SENP7: variants seen among roughly 807,000 people sequenced by gnomAD.
SENP7 encodes the protein SUMO specific peptidase 7, also known as sentrin-specific protease 7.
In SENP7, 64 loss-of-function variants were observed where a neutral mutation model predicts 141.2. That is an observed-to-expected ratio of 0.45 (90% CI 0.37 to 0.56). The LOEUF (loss-of-function observed/expected upper bound fraction) is 0.56, where lower values mean the gene tolerates loss of function less well. Among genes scored for constraint, SENP7 ranks in the 20% least tolerant of loss-of-function variants. SENP7 has a pLI of 0.00. For missense variants in SENP7, 1,025 were observed against 1,212.2 expected, an observed-to-expected ratio of 0.85 and a Z score of 2.29; for synonymous variants, 382 against 426.4, an observed-to-expected ratio of 0.90 and a Z score of 1.28.
At chr3:101,380,505 C>G (rs1346388713) in intron 6 of SENP7, among the ~76,000 whole-genome samples, 1 of 145,732 alleles carries the variant, frequency 6.9e-6, no homozygotes, top group Non-Finnish European at 1.5e-5. Flanking sequence ...GGGTGGGGCA[C>G]AGTGGTGCAC....
intron 4 of SENP7, among the ~76,000 whole-genome samples, chr3:101,433,733 T>C (rs1316924354): frequency 2.0e-5 from 3 of 152,142 alleles, no homozygotes; most frequent in Admixed American, 2.0e-4. Flanking sequence ...ATTTAAAATA[T>C]ATAGTCACCC....
intron 3 of SENP7, among the ~76,000 whole-genome samples, chr3:101,473,528 GTCT>G (rs777722966): frequency 1.3e-4 from 20 of 152,270 alleles, no homozygotes; most frequent in Non-Finnish European, 2.6e-4. Flanking sequence ...CTGCATGTAC[GTCT>G]TCTTTGGAAA....
chr3:101,353,996 GAACT>G (rs1263392751), intron 11 of SENP7, among the ~76,000 whole-genome samples: 1 of 151,858 alleles, frequency 6.6e-6, no homozygotes, highest in Non-Finnish European at 1.5e-5. Context: ...AGTGCATCCT[GAACT>G]GTCTGAAAAA....
At chr3:101,378,580 G>A (rs1195103277) in intron 6 of SENP7, among the ~76,000 whole-genome samples, 2 of 152,082 alleles carry the variant, frequency 1.3e-5, no homozygotes, top group Non-Finnish European at 2.9e-5. Flanking sequence ...AATAGGTGTA[G>A]CATAGGCATA....
Position 101,325,988 on chromosome 3 carries a change from G to A in SENP7, c.3108C>T (p.Leu1036=). ...GTTGCTGTAAATGAAGTTTCAAGAT[G>A]AGCTCTCGAATATCTTCCCGTTTGG... The part of the protein sequence containing the change: ...IKTKREDIRE[L]ILKLHLQQQK... The change falls in exon 24 of 24, where the codon CTC becomes CTT. Residue 1036 remains leucine (L), a synonymous_variant. Coordinates refer to ENST00000394095, the MANE Select transcript of SENP7 (RefSeq NM_020654.5). The A allele has an allele frequency of 6.2e-7, 1 of 1,610,716 alleles. No individual in the cohort carries two copies. Among genetic ancestry groups the A allele is most frequent in the Non-Finnish European group, 8.5e-7 (1 of 1,178,248 alleles).
intron 5 of SENP7, among the ~76,000 whole-genome samples, chr3:101,413,714 G>C (rs1339581774): frequency 1.3e-5 from 2 of 148,308 alleles, no homozygotes; most frequent in African/African-American, 4.9e-5. Flanking sequence ...ATCAAGGAAG[G>C]CTTCCTTAAA....
chr3:101,404,693 C>T (rs143324115), intron 5 of SENP7, among the ~76,000 whole-genome samples: 46 of 152,220 alleles, frequency 3.0e-4, no homozygotes, highest in African/African-American at 1.0e-3. Context: ...TGTCTAATTT[C>T]CAGAGTTTAC....
At chr3:101,351,721 T>C (rs1435377239) in intron 11 of SENP7, 70 bp from the exon 12 acceptor site, 1 of 1,159,700 alleles carries the variant, frequency 8.6e-7, no homozygotes, top group Non-Finnish European at 1.1e-6. Flanking sequence ...ATTTTTTTTT[T>C]CAAATCACAA....
intron 4 of SENP7, among the ~76,000 whole-genome samples, chr3:101,449,422 T>C (rs1052141562): frequency 1.4e-4 from 22 of 152,074 alleles, no homozygotes; most frequent in Admixed American, 2.0e-4. Context: ...AATTGTAAGA[T>C]TCACCAAAGT....
chr3:101,367,664 G>C (rs1260017883), intron 8 of SENP7, among the ~76,000 whole-genome samples, 166 bp downstream of exon 8: 1 of 152,072 alleles, frequency 6.6e-6, no homozygotes, highest in African/African-American at 2.4e-5. Flanking sequence ...ACCAAGAAAA[G>C]TTACATTTAG....
At chr3:101,504,899 G>C (rs1248770861) in intron 1 of SENP7, among the ~76,000 whole-genome samples, 2 of 151,922 alleles carry the variant, frequency 1.3e-5, no homozygotes, top group African/African-American at 4.8e-5. Context: ...ACCACCTGTG[G>C]TCTCAGCTGC....
intron 6 of SENP7, among the ~76,000 whole-genome samples, chr3:101,383,910 C>T (rs1397685939): frequency 6.6e-6 from 1 of 152,220 alleles, no homozygotes; most frequent in East Asian, 1.9e-4. Flanking sequence ...GGGGCCCAGG[C>T]TCCCAGTTCC....
At chr3:101,447,584 T>C (rs1477865120) in intron 4 of SENP7, among the ~76,000 whole-genome samples, 1 of 151,406 alleles carries the variant, frequency 6.6e-6, no homozygotes, top group Non-Finnish European at 1.5e-5. Flanking sequence ...TTGAAAAAAA[T>C]TGTAAAGGAC....
At chr3:101,342,350 T>C (rs958225656) in intron 14 of SENP7, among the ~76,000 whole-genome samples, 1 of 152,174 alleles carries the variant, frequency 6.6e-6, no homozygotes, top group African/African-American at 2.4e-5. Context: ...CTTTTCTTTC[T>C]AGAACTATTT....
intron 4 of SENP7, among the ~76,000 whole-genome samples, chr3:101,436,017 C>T (rs148610482): frequency 3.3e-5 from 5 of 152,122 alleles, no homozygotes; most frequent in Non-Finnish European, 2.9e-5. Context: ...TACCTGACTT[C>T]ATATTATACT....
intron 11 of SENP7, among the ~76,000 whole-genome samples, chr3:101,354,016 T>C (rs1477390938): frequency 2.0e-5 from 3 of 152,010 alleles, no homozygotes; most frequent in Non-Finnish European, 2.9e-5. Flanking sequence ...AAAAAGAATA[T>C]ACCTAAAAAC....
intron 10 of SENP7, among the ~76,000 whole-genome samples, chr3:101,362,936 T>C (rs954446940): frequency 2.0e-5 from 3 of 152,174 alleles, no homozygotes; most frequent in Non-Finnish European, 2.9e-5. Context: ...TTCAGATGAC[T>C]TTTTCAACTT....
intron 12 of SENP7, among the ~76,000 whole-genome samples, chr3:101,350,394 C>A (rs1390546287): frequency 6.6e-6 from 1 of 151,998 alleles, no homozygotes; most frequent in Non-Finnish European, 1.5e-5. Flanking sequence ...CATTTAGACC[C>A]TCAGGTTCCC....
intron 3 of SENP7, among the ~76,000 whole-genome samples, chr3:101,487,101 C>T (rs1254158711): frequency 6.6e-6 from 1 of 152,088 alleles, no homozygotes; most frequent in Admixed American, 6.5e-5. Context: ...CTAACACTGG[C>T]ACTCCCAAAT....
Sources: gnomAD v4.1 joint callset for allele counts (sites outside exome capture counted in the v4.1 genomes callset) on GRCh38, gnomAD v4.1.1 for gene constraint, MANE v1.5 for transcripts, NCBI Gene and HGNC (gene_info 2026-07-23, HGNC 2026-07-21) for gene names.